Variants in PTPRM observed in about 807,000 individuals in gnomAD.
PTPRM encodes the protein receptor-type tyrosine-protein phosphatase mu.
Under a neutral mutation model 186.7 loss-of-function variants are expected in PTPRM, and 47 were observed. The observed-to-expected ratio is 0.25, with a 90% CI of 0.20 to 0.32. The LOEUF is 0.32. Ranked by LOEUF, PTPRM falls within the 10% of genes least tolerant of loss-of-function variation. The pLI is 1.00. For missense variants in PTPRM, 1,494 were observed against 1,865.0 expected, an observed-to-expected ratio of 0.80 and a Z score of 3.66; for synonymous variants, 668 against 674.9, an observed-to-expected ratio of 0.99 and a Z score of 0.16.
At chr18:7,949,030 T>C (rs1234013879) in intron 5 of PTPRM, 151 bp from the exon 6 acceptor site, 2 of 639,872 alleles carry the variant, frequency 3.1e-6, no homozygotes, top group South Asian at 3.6e-5. Context: ...CCTGCTCAGC[T>C]ATTCTCCTGG....
At chr18:7,763,227 A>G (rs1280074993) in intron 1 of PTPRM, among the ~76,000 whole-genome samples, 1 of 152,220 alleles carries the variant, frequency 6.6e-6, no homozygotes, top group Non-Finnish European at 1.5e-5. Context: ...CTGATCTTTA[A>G]GCATGAAAAT....
At chr18:8,308,944 G>A (rs645051) in intron 20 of PTPRM, among the ~76,000 whole-genome samples, 38,485 of 152,142 alleles carry the variant, frequency 0.25, 7,742 homozygotes, top group African/African-American at 0.55. Context: ...ACTGGACAGC[G>A]TTGGTATATA....
intron 14 of PTPRM, among the ~76,000 whole-genome samples, chr18:8,174,364 G>A (rs1225428000): frequency 6.6e-6 from 1 of 152,194 alleles, no homozygotes; most frequent in Non-Finnish European, 1.5e-5. Flanking sequence ...AAGGCAATAT[G>A]GGGGTTGGTT....
At chr18:7,745,700 C>A (rs903774633) in intron 1 of PTPRM, among the ~76,000 whole-genome samples, 1 of 151,906 alleles carries the variant, frequency 6.6e-6, no homozygotes, top group Admixed American at 6.6e-5. Context: ...AAATCAGTGA[C>A]CAGAAACCAA....
At chr18:8,222,016 C>T (rs2094159064) in intron 14 of PTPRM, among the ~76,000 whole-genome samples, 1 of 152,204 alleles carries the variant, frequency 6.6e-6, no homozygotes, top group Non-Finnish European at 1.5e-5. Flanking sequence ...TCTCCCACCA[C>T]GTAGCTGCAC....
chr18:8,233,404 TC>T (rs1441671301), intron 14 of PTPRM, among the ~76,000 whole-genome samples: 1 of 152,258 alleles, frequency 6.6e-6, no homozygotes, highest in African/African-American at 2.4e-5. Context: ...ATTTGCATTT[TC>T]CTTATAACAT....
intron 1 of PTPRM, among the ~76,000 whole-genome samples, chr18:7,646,006 G>A (rs930802626): frequency 3.3e-5 from 5 of 152,070 alleles, no homozygotes; most frequent in Admixed American, 1.3e-4. Context: ...ACAACCTTTA[G>A]CCAGCCAGGA....
intron 19 of PTPRM, among the ~76,000 whole-genome samples, chr18:8,257,749 A>G (rs967336331): frequency 6.6e-6 from 1 of 152,176 alleles, no homozygotes; most frequent in Non-Finnish European, 1.5e-5. Flanking sequence ...CAATCTGTAT[A>G]TTATCAGGAA....
intron 23 of PTPRM, chr18:8,365,089 G>C (rs1411616016): frequency 6.6e-6 from 1 of 152,242 alleles, no homozygotes; most frequent in Non-Finnish European, 1.5e-5. Flanking sequence ...GGCAGCTGAA[G>C]TCATTTCAAG....
intron 11 of PTPRM, among the ~76,000 whole-genome samples, chr18:8,091,549 TGA>T (rs970910144): frequency 6.6e-6 from 1 of 151,994 alleles, no homozygotes; most frequent in Non-Finnish European, 1.5e-5. Flanking sequence ...GGCACAAATT[TGA>T]GAGAGGAAAT....
At position 7,991,152 on chromosome 18, in the gene PTPRM, A is replaced by G. The variant is rs148513729; in HGVS notation, c.1132+35738A>G. Among the ~76,000 whole-genome samples, 1,446 of 152,288 alleles carry G rather than the reference A, an allele frequency of 9.5e-3. 7 individuals carry two copies. The highest frequency in any genetic ancestry group is 0.033 in the South Asian group (160 of 4,816). On this transcript the variant is annotated intron_variant, in intron 7 of 32. Coordinates refer to ENST00000580170, the MANE Select transcript of PTPRM (RefSeq NM_001105244.2). ...TTAAGAAGGATTTCATGAGAGCATT[A>G]GGGAAACTTCAAAAAAATTCTCTTT...
At chr18:8,294,032 C>T (rs1203271901) in intron 19 of PTPRM, among the ~76,000 whole-genome samples, 1 of 152,132 alleles carries the variant, frequency 6.6e-6, no homozygotes, top group Non-Finnish European at 1.5e-5. Context: ...AGGTGAATCA[C>T]TTGAGGTAAG....
At chr18:7,846,156 G>A (rs1029600834) in intron 2 of PTPRM, among the ~76,000 whole-genome samples, 1 of 152,140 alleles carries the variant, frequency 6.6e-6, no homozygotes, top group Non-Finnish European at 1.5e-5. Flanking sequence ...GGGACCATAA[G>A]CTTTTTAGTC....
At chr18:7,749,169 C>G (rs1306987073) in intron 1 of PTPRM, 1 of 152,200 alleles carries the variant, frequency 6.6e-6, no homozygotes, top group Admixed American at 6.5e-5. Context: ...ACTGCAGGAA[C>G]AGGCCTGGGA....
At chr18:7,877,905 A>T (rs2048323650) in intron 2 of PTPRM, among the ~76,000 whole-genome samples, 1 of 152,178 alleles carries the variant, frequency 6.6e-6, no homozygotes, top group Admixed American at 6.6e-5. Context: ...AGATTTATCT[A>T]CCAGCCTGCT....
chr18:7,611,668 T>C (rs750623749), intron 1 of PTPRM, among the ~76,000 whole-genome samples: 14 of 152,122 alleles, frequency 9.2e-5, no homozygotes, highest in Non-Finnish European at 1.8e-4. Context: ...TGGGAGGTAA[T>C]TGAATCATGG....
intron 1 of PTPRM, among the ~76,000 whole-genome samples, chr18:7,624,373 T>C (rs934169067): frequency 2.6e-5 from 4 of 152,198 alleles, no homozygotes; most frequent in Admixed American, 2.0e-4. Flanking sequence ...AGTTAGCCTC[T>C]ACTGAACTAT....
At chr18:8,074,028 C>T (rs923889684) in intron 8 of PTPRM, among the ~76,000 whole-genome samples, 2 of 152,140 alleles carry the variant, frequency 1.3e-5, no homozygotes, top group African/African-American at 4.8e-5. Flanking sequence ...AGTCAGAACC[C>T]GGGCCTCCCA....
At chr18:7,881,693 T>C (rs1351143853) in intron 2 of PTPRM, among the ~76,000 whole-genome samples, 3 of 152,184 alleles carry the variant, frequency 2.0e-5, no homozygotes, top group Non-Finnish European at 4.4e-5. Flanking sequence ...TGGCCCATTT[T>C]GTTCCCGTAC....
Sources: gnomAD v4.1 joint callset for allele counts (sites outside exome capture counted in the v4.1 genomes callset) on GRCh38, gnomAD v4.1.1 for gene constraint, MANE v1.5 for transcripts, NCBI Gene and HGNC (gene_info 2026-07-23, HGNC 2026-07-21) for gene names.